Variants in EGFR observed in about 807,000 individuals in gnomAD.
EGFR encodes epidermal growth factor receptor, also known as avian erythroblastic leukemia viral (v-erb-b) oncogene homolog.
EGFR carries 58 observed loss-of-function variants against 143.0 expected under a neutral mutation model. That is an observed-to-expected ratio of 0.41 (90% CI 0.33 to 0.50). EGFR has a LOEUF of 0.50. Among genes scored for constraint, EGFR ranks in the 20% least tolerant of loss-of-function variants. The probability of loss-of-function intolerance (pLI) is 0.39; values close to 1 mark genes in which losing one functional copy is unlikely to be tolerated. For missense variants in EGFR, 1,307 were observed against 1,579.0 expected (o/e 0.83, Z 2.92); for synonymous variants, 613 against 594.4 (o/e 1.03, Z -0.45).
In EGFR at chr7:55,160,346, ACCGCTTT is replaced by A. The variant is rs761683872; in HGVS notation, c.1498+10_1498+16del. On this transcript the variant is annotated intron_variant, in intron 12 of 27. Transcript: ENST00000275493. ...GAGGTGAAAACAGCTGCAGTAAGTC[ACCGCTTT>A]CTGTTTAGTTTATGGAGTTGGTTCT... 6 of 1,612,112 alleles carry A rather than the reference ACCGCTTT, an allele frequency of 3.7e-6. No individual in the cohort carries two copies. In the South Asian group the frequency reaches 6.6e-5, roughly 18 times the overall value.
At chr7:55,189,116 GTGTA>G (rs886579381) in intron 20 of EGFR, among the ~76,000 whole-genome samples, 54 of 110,072 alleles carry the variant, frequency 4.9e-4, no homozygotes, top group African/African-American at 1.2e-3. Context: ...GTGTGTGTGT[GTGTA>G]TATATATATA....
At chr7:55,064,525 G>T (rs1260144276) in intron 1 of EGFR, among the ~76,000 whole-genome samples, 1 of 152,164 alleles carries the variant, frequency 6.6e-6, no homozygotes, top group African/African-American at 2.4e-5. Context: ...ACCAAACAGA[G>T]ATTGTAAAGT....
intron 26 of EGFR, 22 bp downstream of exon 26, chr7:55,201,804 G>C: frequency 6.2e-7 from 1 of 1,613,838 alleles, no homozygotes; most frequent in Non-Finnish European, 8.5e-7. Flanking sequence ...CACCTTATAA[G>C]CCAGAATTTA....
rs765291470 is a variant in EGFR, at chr7:55,155,966, G to C, written c.1006+20G>C. The stretch of plus-strand genomic sequence containing the variant: ...GCAAAGGTAGGAAGCCCGCCGGTGT[G>C]CGGACGAGGCTTGTTCTCGGCTGCT... On this transcript the variant is annotated intron_variant, in intron 8 of 27. Transcript: ENST00000275493. 7.6e-6 allele frequency: 12 copies of C among 1,586,080 alleles called. No individual in the cohort carries two copies. Among genetic ancestry groups the C allele is most frequent in the African/African-American group, 1.3e-5 (1 of 74,458 alleles).
chr7:55,140,604 A>G (rs1031797354), intron 1 of EGFR, among the ~76,000 whole-genome samples: 3 of 152,180 alleles, frequency 2.0e-5, no homozygotes, highest in Non-Finnish European at 4.4e-5. Context: ...CAACCACACA[A>G]TTGTTCCAAC....
intron 15 of EGFR, among the ~76,000 whole-genome samples, chr7:55,169,655 T>C (rs571622972): frequency 6.6e-6 from 1 of 152,076 alleles, no homozygotes; most frequent in Admixed American, 6.5e-5. Flanking sequence ...TCATACTCAA[T>C]AGTCATTTCT....
chr7:55,027,480 A>T (rs1423227790), intron 1 of EGFR, among the ~76,000 whole-genome samples: 1 of 152,236 alleles, frequency 6.6e-6, no homozygotes, highest in Non-Finnish European at 1.5e-5. Flanking sequence ...CTAAATGACC[A>T]TGAGGAAACC....
At chr7:55,057,220 C>T (rs1788881420) in intron 1 of EGFR, among the ~76,000 whole-genome samples, 1 of 152,140 alleles carries the variant, frequency 6.6e-6, no homozygotes, top group Non-Finnish European at 1.5e-5. Context: ...TAGAGCAATC[C>T]TAAAATGGAA....
intron 1 of EGFR, among the ~76,000 whole-genome samples, chr7:55,027,990 AAATATATATATATATATATATATAT>A (rs1309844733): frequency 4.6e-5 from 3 of 64,904 alleles, no homozygotes; most frequent in African/African-American, 6.1e-5. Flanking sequence ...AAAAAAAAAA[AAATATATATATATATATATATATAT>A]ATATATATAT....
At chr7:55,155,081 G>A (rs1785344870) in intron 7 of EGFR, among the ~76,000 whole-genome samples, 1 of 152,206 alleles carries the variant, frequency 6.6e-6, no homozygotes, top group South Asian at 2.1e-4. Context: ...AGAGCAGATG[G>A]TTCACAGAAG....
intron 4 of EGFR, among the ~76,000 whole-genome samples, chr7:55,149,431 A>G (rs1221181969): frequency 1.3e-5 from 2 of 152,290 alleles, no homozygotes; most frequent in East Asian, 3.9e-4. Context: ...GTAAAATGTT[A>G]TTTCTAATGT....
rs907331456 is a variant in EGFR at position 55,208,106 on chromosome 7, A to G, written c.*2489A>G. On this transcript the variant is annotated 3_prime_UTR_variant, in exon 28 of 28. Coordinates refer to ENST00000275493, the MANE Select transcript of EGFR (RefSeq NM_005228.5). Reference sequence around the variant, plus strand: ...TTCTAGCTTTCTTCTTCATATTTTAATTTTCCACCATAAAGTTTAGTTGCT... The same window carrying G: ...TTCTAGCTTTCTTCTTCATATTTTAGTTTTCCACCATAAAGTTTAGTTGCT... 1 of 152,178 alleles carries G rather than the reference A, an allele frequency of 6.6e-6. No individual in the cohort carries two copies. Among genetic ancestry groups the G allele is most frequent in the Non-Finnish European group, 1.5e-5 (1 of 68,030 alleles). 9.4% of individuals were successfully genotyped at this position (152,178 alleles called of 1,614,324 possible). A position where few individuals can be genotyped will look rare whatever the true frequency, so the allele number is the denominator to read the frequency against.
chr7:55,067,812 G>A lies in EGFR; in HGVS notation c.88+48447G>A, dbSNP rs939641138. On this transcript the variant is annotated intron_variant, in intron 1 of 27. Transcript: ENST00000275493. ...CCCATAGTTGCCATTGTGTGTGCGC[G>A]GATGTGCGTGTATGTGTGTGTATGT... 6.6e-5 allele frequency among the ~76,000 whole-genome samples: 10 copies of A among 150,824 alleles called. 1 individual carries two copies. Among genetic ancestry groups the A allele is most frequent in the African/African-American group, 1.7e-4 (7 of 40,286 alleles).
intron 1 of EGFR, among the ~76,000 whole-genome samples, chr7:55,050,577 A>T (rs988768275): frequency 1.3e-5 from 2 of 152,096 alleles, no homozygotes; most frequent in African/African-American, 4.8e-5. Flanking sequence ...TTGTCTTTTA[A>T]AGCCCAAATC....
At chr7:55,105,125 T>C (rs1792056198) in intron 1 of EGFR, among the ~76,000 whole-genome samples, 1 of 152,222 alleles carries the variant, frequency 6.6e-6, no homozygotes, top group Non-Finnish European at 1.5e-5. Context: ...AAATTATTAT[T>C]AGAGGAGCTT....
At chr7:55,134,589 C>A (rs542322465) in intron 1 of EGFR, among the ~76,000 whole-genome samples, 1 of 152,348 alleles carries the variant, frequency 6.6e-6, no homozygotes, top group East Asian at 1.9e-4. Context: ...CATAACAGAT[C>A]AACGGGTATT....
chr7:55,103,628 G>A (rs771654680), intron 1 of EGFR, among the ~76,000 whole-genome samples: 2 of 152,186 alleles, frequency 1.3e-5, no homozygotes, highest in Non-Finnish European at 2.9e-5. Context: ...TGTGGGTGGT[G>A]GTAGTTAAAT....
At chr7:55,038,569 A>G (rs2128868017) in intron 1 of EGFR, among the ~76,000 whole-genome samples, 1 of 152,336 alleles carries the variant, frequency 6.6e-6, no homozygotes, top group South Asian at 2.1e-4. Context: ...ACTGCTCTAA[A>G]GTCATTTTCT....
chr7:55,111,747 C>T (rs138334086), intron 1 of EGFR, among the ~76,000 whole-genome samples: 82 of 152,288 alleles, frequency 5.4e-4, no homozygotes, highest in African/African-American at 1.9e-3. Flanking sequence ...AAGACCTGTC[C>T]TTCTATGTCA....
Sources: gnomAD v4.1 joint callset for allele counts (sites outside exome capture counted in the v4.1 genomes callset) on GRCh38, gnomAD v4.1.1 for gene constraint, MANE v1.5 for transcripts, NCBI Gene and HGNC (gene_info 2026-07-23, HGNC 2026-07-21) for gene names.